Variants in DHRS4 observed in about 807,000 individuals in gnomAD.
The protein encoded by DHRS4 is dehydrogenase/reductase 4, also known as dehydrogenase/reductase SDR family member 4.
Under a neutral mutation model 28.4 loss-of-function variants are expected in DHRS4, and 20 were observed. That is an observed-to-expected ratio of 0.71 (90% CI 0.50 to 1.02). The LOEUF is 1.02. Ranked by LOEUF, DHRS4 falls within the 50% of genes least tolerant of loss-of-function variation. The pLI is 0.00. For synonymous variants in DHRS4, 144 were observed against 146.4 expected (o/e 0.98, Z 0.12); for missense variants, 378 against 367.2 (o/e 1.03, Z -0.24).
intron 7 of DHRS4, 92 bp from the exon 8 acceptor site, chr14:23,968,665 C>A (rs988912735): frequency 3.9e-6 from 6 of 1,552,496 alleles, no homozygotes; most frequent in African/African-American, 2.7e-5. Flanking sequence ...TCTGATAATT[C>A]TTGATTAAGC....
rs535993499 is a variant in DHRS4 at position 23,960,175 on chromosome 14, A to T, written c.408+172A>T. Among the ~76,000 whole-genome samples the T allele has an allele frequency of 1.3e-3, 193 of 152,022 alleles. 3 individuals carry two copies. The highest frequency in any genetic ancestry group is 3.9e-3 in the African/African-American group (161 of 41,384). On this transcript the variant is annotated intron_variant, in intron 3 of 7. Transcript: ENST00000313250. Reference sequence around the variant, plus strand: ...GCAAAGGGCGGGTGGGGGTGGCTCTATCCCTGCCCTTCTCATTCGTTTCTG... The same window carrying T: ...GCAAAGGGCGGGTGGGGGTGGCTCTTTCCCTGCCCTTCTCATTCGTTTCTG...
At chr14:23,957,351 C>T (rs1040989877) in intron 2 of DHRS4, among the ~76,000 whole-genome samples, 11 of 150,986 alleles carry the variant, frequency 7.3e-5, no homozygotes, top group African/African-American at 2.7e-4. Flanking sequence ...AGCCACTTTC[C>T]TGAGAATGGA....
chr14:23,964,220 TAAAAAAAAAAAAAAAAAAAAAAA>T lies in DHRS4; in HGVS notation c.409-1530_409-1508del, dbSNP rs71119059. On this transcript the variant is annotated intron_variant, in intron 3 of 7. Transcript: ENST00000313250. ...AGGGTTGCCACGAAACTGCAATTTG[TAAAAAAAAAAAAAAAAAAAAAAA>T]AAAAAAAAAAACACAATATCTGCAA... Among the ~76,000 whole-genome samples the T allele has an allele frequency of 7.5e-4, 26 of 34,502 alleles. 2 individuals carry two copies. Among genetic ancestry groups the T allele is most frequent in the Non-Finnish European group, 1.3e-3 (22 of 16,940 alleles). The allele number at this position is 34,502 out of a possible 152,430, so 22.6% of individuals were successfully genotyped here.
rs2033614648 is a variant in DHRS4 at position 23,966,296 on chromosome 14, A to C, written c.545A>C (p.Tyr182Ser). ...TTCTTTCTCCAGGGCTTCAGTCCTT[A>C]CAATGTCAGTAAAACAGCCTTGCTG... ...AFSPSPGFSP[Y>S]NVSKTALLGL... The change falls in exon 6 of 8, where the codon TAC becomes TCC. Residue 182 changes from tyrosine to serine, a missense_variant. Tyr to Ser is a moderately radical substitution (Grantham distance 144). Transcript: ENST00000313250. 3 of 1,613,800 alleles carry C rather than the reference A, an allele frequency of 1.9e-6. No individual in the cohort carries two copies. The highest frequency in any genetic ancestry group is 2.5e-6 in the Non-Finnish European group (3 of 1,179,912).
intron 7 of DHRS4, chr14:23,967,660 T>C (rs1263788631): frequency 6.2e-6 from 2 of 322,426 alleles, no homozygotes; most frequent in African/African-American, 3.0e-5. Context: ...ATGAAAAGAA[T>C]GAAGAGTTTT....
intron 7 of DHRS4, 76 bp downstream of exon 7, chr14:23,967,342 C>T: frequency 6.7e-7 from 1 of 1,495,852 alleles, no homozygotes; most frequent in Non-Finnish European, 9.1e-7. Context: ...CCACAGCCCG[C>T]TGTCTCAGTC....
intron 1 of DHRS4, 115 bp downstream of exon 1, chr14:23,954,031 GC>G: frequency 6.8e-7 from 1 of 1,467,612 alleles, no homozygotes; most frequent in Non-Finnish European, 9.0e-7. Context: ...CCAAAGTCTG[GC>G]CCTGGAAAAA....
At chr14:23,961,529 CTT>C (rs546435038) in intron 3 of DHRS4, among the ~76,000 whole-genome samples, 22 of 90,708 alleles carry the variant, frequency 2.4e-4, no homozygotes, top group African/African-American at 1.0e-3. Context: ...GTCTTTTTTC[CTT>C]TTTTTTTTTT....
chr14:23,967,265 A>C lies in DHRS4; in HGVS notation c.721A>C (p.Arg241=). The change falls in exon 7 of 8, where the codon AGG becomes CGG. Residue 241 remains arginine (R), a splice_region_variant and synonymous_variant. Coordinates refer to ENST00000313250, the MANE Select transcript of DHRS4 (RefSeq NM_021004.4). The part of the protein sequence containing the change: ...ESMKETLRIR[R]LGEPEDCAGI... ...CATGAAAGAAACCCTGCGGATAAGA[A>C]GGTAAACTGTCATGAGGGCAAGGGC... The C allele has an allele frequency of 1.9e-6, 3 of 1,611,970 alleles. No homozygotes were observed. The highest frequency in any genetic ancestry group is 1.7e-6 in the Non-Finnish European group (2 of 1,179,132).
intron 3 of DHRS4, among the ~76,000 whole-genome samples, chr14:23,961,578 G>C (rs1300393543): frequency 8.1e-6 from 1 of 122,894 alleles, no homozygotes; most frequent in Non-Finnish European, 1.6e-5. Flanking sequence ...GAGGGCTGTG[G>C]TGTGATCTCA....
chr14:23,963,584 G>A (rs1594430016), intron 3 of DHRS4, among the ~76,000 whole-genome samples: 1 of 148,712 alleles, frequency 6.7e-6, no homozygotes, highest in East Asian at 2.0e-4. Flanking sequence ...TTGGCTTAAG[G>A]GAATGTTGTG....
chr14:23,959,592 CAGATCTTAGGGT>C, intron 2 of DHRS4, among the ~76,000 whole-genome samples: 1 of 152,078 alleles, frequency 6.6e-6, no homozygotes, highest in South Asian at 2.1e-4. Context: ...TGGTTAGCGG[CAGATCTTAGGGT>C]AGTTTTCAAA....
rs140619145 is a variant in DHRS4, at chr14:23,966,298, A to C, written c.547A>C (p.Asn183His). ...CTTTCTCCAGGGCTTCAGTCCTTAC[A>C]ATGTCAGTAAAACAGCCTTGCTGGG... ...FSPSPGFSPY[N>H]VSKTALLGLT... Residue 183 changes from asparagine (N) to histidine (H), a missense_variant, in exon 6 of 8, where the codon AAT becomes CAT. Coordinates refer to ENST00000313250, the MANE Select transcript of DHRS4 (RefSeq NM_021004.4). 2.5e-6 allele frequency: 4 copies of C among 1,613,810 alleles called. No individual in the cohort carries two copies. The highest frequency in any genetic ancestry group is 3.4e-6 in the Non-Finnish European group (4 of 1,179,932).
At chr14:23,959,354 T>G (rs1298701746) in intron 2 of DHRS4, among the ~76,000 whole-genome samples, 1 of 152,058 alleles carries the variant, frequency 6.6e-6, no homozygotes, top group African/African-American at 2.4e-5. Flanking sequence ...GCCCAGGAGT[T>G]CCAGACCAGC....
At chr14:23,965,301 C>T (rs531625361) in intron 3 of DHRS4, among the ~76,000 whole-genome samples, 3,104 of 129,590 alleles carry the variant, frequency 0.024, 52 homozygotes, top group Non-Finnish European at 0.037. Flanking sequence ...CATCTCACTC[C>T]CTAAGCCCAG....
chr14:23,959,072 T>C (rs1420370642), intron 2 of DHRS4, among the ~76,000 whole-genome samples: 1 of 152,130 alleles, frequency 6.6e-6, no homozygotes. Context: ...TGGTAACTTA[T>C]TCAAGGAGAA....
At chr14:23,964,220 T>TAAAAAAAAAA (rs71119059) in intron 3 of DHRS4, among the ~76,000 whole-genome samples, 11 of 34,498 alleles carry the variant, frequency 3.2e-4, no homozygotes, top group African/African-American at 4.7e-4. Flanking sequence ...CTGCAATTTG[T>TAAAAAAAAAA]AAAAAAAAAA....
At chr14:23,958,003 C>T (rs1455624790) in intron 2 of DHRS4, among the ~76,000 whole-genome samples, 1 of 151,672 alleles carries the variant, frequency 6.6e-6, no homozygotes, top group Non-Finnish European at 1.5e-5. Context: ...TTGTCTCCTC[C>T]CAGCCCAAAC....
At chr14:23,963,358 G>C (rs2033491676) in intron 3 of DHRS4, among the ~76,000 whole-genome samples, 1 of 122,876 alleles carries the variant, frequency 8.1e-6, no homozygotes, top group Non-Finnish European at 1.6e-5. Context: ...GTTGTTTGCT[G>C]TAGCCACCTT....
Sources: allele counts gnomAD v4.1 joint callset (sites outside exome capture counted in the v4.1 genomes callset), GRCh38; gene constraint gnomAD v4.1.1; transcripts MANE v1.5; gene names NCBI Gene and HGNC (gene_info 2026-07-23, HGNC 2026-07-21).